CHCHD6: variants seen among roughly 807,000 people sequenced by gnomAD.
CHCHD6 encodes the protein coiled-coil-helix-coiled-coil-helix domain containing 6.
Under a neutral mutation model 32.3 loss-of-function variants are expected in CHCHD6, and 28 were observed. The ratio of observed to expected loss-of-function variants is 0.87; its 90% CI spans 0.64 to 1.19. The LOEUF (loss-of-function observed/expected upper bound fraction) is 1.19, where lower values mean the gene tolerates loss of function less well. CHCHD6 is among the 50% of genes most tolerant of loss of function. The pLI is 0.00. For missense variants in CHCHD6, 333 were observed against 307.0 expected (o/e 1.08, Z -0.63); for synonymous variants, 122 against 117.5 (o/e 1.04, Z -0.25).
intron 5 of CHCHD6, among the ~76,000 whole-genome samples, chr3:126,876,567 T>TA (rs2077541889): frequency 6.6e-6 from 1 of 152,230 alleles, no homozygotes; most frequent in Admixed American, 6.5e-5. Context: ...TTATTGAAAA[T>TA]ACCTCACTTC....
At chr3:126,852,753 T>G in intron 5 of CHCHD6, 23 bp downstream of exon 5, 3 of 1,534,950 alleles carry the variant, frequency 2.0e-6, no homozygotes, top group Non-Finnish European at 1.8e-6. Flanking sequence ...CTTGGCTGCA[T>G]TCCTCGGGGC....
intron 4 of CHCHD6, among the ~76,000 whole-genome samples, chr3:126,808,415 G>A (rs951305978): frequency 2.6e-5 from 4 of 152,160 alleles, no homozygotes; most frequent in Non-Finnish European, 5.9e-5. Context: ...GATCATCGGG[G>A]CTGTCTTAGA....
chr3:126,851,502 G>T (rs58683291), intron 4 of CHCHD6, among the ~76,000 whole-genome samples: 4,665 of 152,284 alleles, frequency 0.031, 159 homozygotes, highest in East Asian at 0.15. Flanking sequence ...ATACCTGAGC[G>T]CACACAGCCC....
intron 4 of CHCHD6, among the ~76,000 whole-genome samples, chr3:126,740,335 C>T (rs1936238846): frequency 6.6e-6 from 1 of 152,218 alleles, no homozygotes; most frequent in Admixed American, 6.5e-5. Flanking sequence ...CAGACTTCAG[C>T]AGGCCCTGTG....
intron 6 of CHCHD6, among the ~76,000 whole-genome samples, chr3:126,934,061 C>T (rs1237649781): frequency 6.6e-6 from 1 of 152,204 alleles, no homozygotes; most frequent in Admixed American, 6.5e-5. Flanking sequence ...GGCTCAAGGT[C>T]TGAGAACCTG....
chr3:126,766,473 C>T, intron 4 of CHCHD6: 2 of 717,164 alleles, frequency 2.8e-6, no homozygotes, highest in Middle Eastern at 4.1e-4. Flanking sequence ...GTTTCTTGAT[C>T]TTCTCTTTCT....
At chr3:126,868,575 T>C (rs909748279) in intron 5 of CHCHD6, among the ~76,000 whole-genome samples, 1 of 152,144 alleles carries the variant, frequency 6.6e-6, no homozygotes, top group African/African-American at 2.4e-5. Flanking sequence ...GAGGTAACCA[T>C]TGTAAATCTC....
chr3:126,899,852 G>T (rs1046922073), intron 5 of CHCHD6, among the ~76,000 whole-genome samples: 1 of 152,156 alleles, frequency 6.6e-6, no homozygotes, highest in Non-Finnish European at 1.5e-5. Flanking sequence ...CACCAAATTT[G>T]TGGTGACCTC....
intron 4 of CHCHD6, among the ~76,000 whole-genome samples, chr3:126,786,369 T>G (rs1310408654): frequency 6.6e-5 from 10 of 152,220 alleles, no homozygotes; most frequent in Non-Finnish European, 1.3e-4. Flanking sequence ...GGTCAAATGG[T>G]ATTTCTAGTT....
intron 4 of CHCHD6, among the ~76,000 whole-genome samples, chr3:126,828,119 G>A (rs556983224): frequency 3.4e-4 from 51 of 152,088 alleles, no homozygotes; most frequent in Middle Eastern, 3.4e-3. Context: ...ATGACGATTG[G>A]GCTCCCCAAG....
chr3:126,821,126 G>A (rs987506807), intron 4 of CHCHD6, among the ~76,000 whole-genome samples: 5 of 152,120 alleles, frequency 3.3e-5, no homozygotes, highest in Non-Finnish European at 4.4e-5. Flanking sequence ...ATATTCTCAA[G>A]GTTCATCCAT....
chr3:126,899,715 G>A (rs531916403), intron 5 of CHCHD6, among the ~76,000 whole-genome samples: 1 of 152,182 alleles, frequency 6.6e-6, no homozygotes, highest in Admixed American at 6.5e-5. Flanking sequence ...TCTTGAGAGT[G>A]CCCTTCCATG....
chr3:126,950,129 G>A (rs2078696386), intron 6 of CHCHD6, among the ~76,000 whole-genome samples: 1 of 152,054 alleles, frequency 6.6e-6, no homozygotes, highest in Non-Finnish European at 1.5e-5. Flanking sequence ...CACAGATGAT[G>A]GGAAAAGAAG....
intron 4 of CHCHD6, among the ~76,000 whole-genome samples, chr3:126,804,386 C>T (rs1939247204): frequency 6.6e-6 from 1 of 151,980 alleles, no homozygotes; most frequent in South Asian, 2.1e-4. Context: ...GGGATATCAC[C>T]ACCGATCCCA....
chr3:126,921,468 C>T (rs2078245777), intron 6 of CHCHD6, among the ~76,000 whole-genome samples: 1 of 151,894 alleles, frequency 6.6e-6, no homozygotes, highest in African/African-American at 2.4e-5. Context: ...AGGGAACCTC[C>T]TGCATTTATT....
At chr3:126,792,766 GGTT>G (rs1281700546) in intron 4 of CHCHD6, among the ~76,000 whole-genome samples, 1 of 151,988 alleles carries the variant, frequency 6.6e-6, no homozygotes, top group Non-Finnish European at 1.5e-5. Flanking sequence ...AATTTTTTAT[GGTT>G]GTTGTTCAGT....
At chr3:126,723,640 G>A (rs192740910) in intron 1 of CHCHD6, among the ~76,000 whole-genome samples, 38 of 152,206 alleles carry the variant, frequency 2.5e-4, no homozygotes, top group African/African-American at 8.4e-4. Flanking sequence ...TTTCTTAATG[G>A]TTCCATAAAA....
chr3:126,848,042 C>A (rs544082886), intron 4 of CHCHD6, among the ~76,000 whole-genome samples: 5 of 152,214 alleles, frequency 3.3e-5, no homozygotes, highest in African/African-American at 9.6e-5. Context: ...TGCAGTGATG[C>A]GATCATAACT....
intron 6 of CHCHD6, chr3:126,957,092 G>A: frequency 2.5e-6 from 1 of 407,544 alleles, no homozygotes; most frequent in Non-Finnish European, 4.6e-6. Flanking sequence ...ATCCTCATGG[G>A]GGCCCTCCAG....
Sources: allele counts gnomAD v4.1 joint callset (sites outside exome capture counted in the v4.1 genomes callset), GRCh38; gene constraint gnomAD v4.1.1; transcripts MANE v1.5; gene names NCBI Gene and HGNC (gene_info 2026-07-23, HGNC 2026-07-21).